The following FAF1 variants were observed in gnomAD, a reference collection of about 807,000 sequenced individuals.
FAF1 encodes Fas associated factor 1, also known as FAS-associated factor 1.
A neutral mutation model predicts 92.5 loss-of-function variants in FAF1; 25 were observed. The observed-to-expected ratio is 0.27, with a 90% CI of 0.20 to 0.38. FAF1 has a LOEUF of 0.38. Among genes scored for constraint, FAF1 ranks in the 10% least tolerant of loss-of-function variants. The pLI, the probability that FAF1 is intolerant of heterozygous loss-of-function variation, is 1.00. For missense variants in FAF1, 636 were observed against 793.3 expected, an observed-to-expected ratio of 0.80 and a Z score of 2.38; for synonymous variants, 234 against 273.2, an observed-to-expected ratio of 0.86 and a Z score of 1.42.
intron 4 of FAF1, among the ~76,000 whole-genome samples, chr1:50,785,269 A>G (rs1455465831): frequency 6.6e-6 from 1 of 152,230 alleles, no homozygotes. Flanking sequence ...AATGAAAGAA[A>G]AAATAGACAA....
intron 8 of FAF1, among the ~76,000 whole-genome samples, chr1:50,622,642 G>C (rs752048548): frequency 1.3e-5 from 2 of 152,128 alleles, no homozygotes; most frequent in African/African-American, 4.8e-5. Context: ...ACATGTATTA[G>C]AATTTTACAG....
chr1:50,551,336 C>T (rs79718112), intron 13 of FAF1, among the ~76,000 whole-genome samples: 2,474 of 152,078 alleles, frequency 0.016, 74 homozygotes, highest in African/African-American at 0.055. Flanking sequence ...ATATGGTACA[C>T]ATATGGTACA....
intron 18 of FAF1, among the ~76,000 whole-genome samples, chr1:50,462,979 C>G (rs768296934): frequency 5.9e-5 from 9 of 152,168 alleles, no homozygotes; most frequent in Non-Finnish European, 1.3e-4. Context: ...GGCCTGCTTA[C>G]AAGGTTGGCA....
chr1:50,770,996 AT>A (rs1660755742), intron 4 of FAF1, among the ~76,000 whole-genome samples: 1 of 152,184 alleles, frequency 6.6e-6, no homozygotes, highest in Non-Finnish European at 1.5e-5. Flanking sequence ...ACAAAAACAA[AT>A]GGGGAAAGGC....
intron 3 of FAF1, among the ~76,000 whole-genome samples, chr1:50,800,115 T>A (rs1661929827): frequency 6.6e-6 from 1 of 152,196 alleles, no homozygotes; most frequent in African/African-American, 2.4e-5. Context: ...TTATAGTAAC[T>A]TTATGAGAAA....
At chr1:50,895,842 C>T (rs995320825) in intron 1 of FAF1, among the ~76,000 whole-genome samples, 3 of 151,886 alleles carry the variant, frequency 2.0e-5, no homozygotes, top group Non-Finnish European at 4.4e-5. Context: ...AATTCAACAT[C>T]CCTTCATGAT....
At chr1:50,475,734 G>C in intron 17 of FAF1, 55 bp from the exon 18 acceptor site, 5 of 1,224,396 alleles carry the variant, frequency 4.1e-6, no homozygotes, top group Non-Finnish European at 5.7e-6. Context: ...ACTATGGAGA[G>C]TGGGGAGGAA....
intron 15 of FAF1, among the ~76,000 whole-genome samples, chr1:50,532,547 C>T (rs1448172478): frequency 6.6e-6 from 1 of 152,136 alleles, no homozygotes; most frequent in Admixed American, 6.6e-5. Flanking sequence ...TAACTAAGTA[C>T]AGTACTTCAT....
chr1:50,706,628 C>T (rs1047478394), intron 6 of FAF1, among the ~76,000 whole-genome samples: 2 of 151,976 alleles, frequency 1.3e-5, no homozygotes, highest in Non-Finnish European at 1.5e-5. Flanking sequence ...AAAATGTATA[C>T]TCAAAGACTC....
intron 1 of FAF1, among the ~76,000 whole-genome samples, chr1:50,894,959 T>C (rs1473716953): frequency 6.6e-6 from 1 of 151,992 alleles, no homozygotes; most frequent in African/African-American, 2.4e-5. Flanking sequence ...AACCTAAAGA[T>C]ACATCTTAAA....
intron 1 of FAF1, among the ~76,000 whole-genome samples, chr1:50,949,360 A>G (rs996646912): frequency 6.6e-6 from 1 of 152,240 alleles, no homozygotes; most frequent in East Asian, 1.9e-4. Flanking sequence ...ATTCTTTACT[A>G]TCGGGCGATG....
At chr1:50,768,770 G>C (rs1660671348) in intron 4 of FAF1, among the ~76,000 whole-genome samples, 1 of 152,050 alleles carries the variant, frequency 6.6e-6, no homozygotes, top group African/African-American at 2.4e-5. Flanking sequence ...GAAACTCTGG[G>C]ACACAGCTTA....
At chr1:50,587,218 A>G (rs534109042) in intron 9 of FAF1, among the ~76,000 whole-genome samples, 2 of 152,324 alleles carry the variant, frequency 1.3e-5, no homozygotes, top group Non-Finnish European at 2.9e-5. Context: ...ACTTCATACT[A>G]AGATAGTGAT....
At chr1:50,651,055 C>T (rs1458414683) in intron 8 of FAF1, among the ~76,000 whole-genome samples, 1 of 152,174 alleles carries the variant, frequency 6.6e-6, no homozygotes, top group East Asian at 1.9e-4. Flanking sequence ...GTTGACTTCA[C>T]TGAGTAACCT....
chr1:50,595,222 T>C (rs939954409), intron 9 of FAF1, among the ~76,000 whole-genome samples: 2 of 151,752 alleles, frequency 1.3e-5, no homozygotes, highest in Non-Finnish European at 2.9e-5. Context: ...ACCCAACTAA[T>C]TTTGTATTTT....
At chr1:50,480,148 C>CT (rs889623771) in intron 17 of FAF1, among the ~76,000 whole-genome samples, 16 of 151,854 alleles carry the variant, frequency 1.1e-4, no homozygotes, top group Admixed American at 3.9e-4. Context: ...TGATCTGGTA[C>CT]TTTTTTTTCT....
chr1:50,886,092 CTTCT>C (rs962601561), intron 1 of FAF1, among the ~76,000 whole-genome samples: 2 of 151,960 alleles, frequency 1.3e-5, no homozygotes, highest in African/African-American at 4.8e-5. Context: ...TATTTTAGTC[CTTCT>C]ATTTGAGAAT....
intron 4 of FAF1, among the ~76,000 whole-genome samples, chr1:50,787,775 A>G (rs950378041): frequency 1.1e-4 from 16 of 152,326 alleles, no homozygotes; most frequent in African/African-American, 3.8e-4. Flanking sequence ...ACAGCATTGT[A>G]TACCATTCTA....
chr1:50,754,790 C>T (rs1356100249), intron 4 of FAF1, among the ~76,000 whole-genome samples: 1 of 151,986 alleles, frequency 6.6e-6, no homozygotes, highest in Non-Finnish European at 1.5e-5. Context: ...TTGGGGAGGC[C>T]CTATAATCAT....
Sources: allele counts gnomAD v4.1 joint callset (sites outside exome capture counted in the v4.1 genomes callset), GRCh38; gene constraint gnomAD v4.1.1; transcripts MANE v1.5; gene names NCBI Gene and HGNC (gene_info 2026-07-23, HGNC 2026-07-21).